The following HS2ST1 variants were observed in gnomAD, a reference collection of about 807,000 sequenced individuals.
HS2ST1 encodes the protein heparan sulfate 2-O-sulfotransferase 1.
HS2ST1 carries 18 observed loss-of-function variants against 42.9 expected under a neutral mutation model. The observed-to-expected ratio is 0.42, with a 90% confidence interval of 0.29 to 0.62. The LOEUF is 0.62. Ranked by LOEUF, HS2ST1 falls within the 20% of genes least tolerant of loss-of-function variation. The probability of loss-of-function intolerance (pLI) is 0.21; values close to 1 mark genes in which losing one functional copy is unlikely to be tolerated. For missense variants in HS2ST1, 334 were observed against 433.8 expected (o/e 0.77, Z 2.04); for synonymous variants, 146 against 152.9 (o/e 0.95, Z 0.33).
intron 1 of HS2ST1, among the ~76,000 whole-genome samples, chr1:86,935,430 G>C (rs1407109708): frequency 6.8e-6 from 1 of 147,876 alleles, no homozygotes; most frequent in East Asian, 2.0e-4. Flanking sequence ...TTATGTTTTG[G>C]AGGTTTTGTA....
intron 1 of HS2ST1, among the ~76,000 whole-genome samples, chr1:86,995,577 C>T (rs905006126): frequency 3.3e-5 from 5 of 151,672 alleles, no homozygotes; most frequent in Non-Finnish European, 7.4e-5. Flanking sequence ...AATTTTTTTT[C>T]TTTTTTCTAT....
intron 1 of HS2ST1, among the ~76,000 whole-genome samples, chr1:86,938,590 T>C (rs556492946): frequency 1.1e-4 from 17 of 152,284 alleles, no homozygotes; most frequent in African/African-American, 3.8e-4. Context: ...TCAGATGTTA[T>C]AACTTCTCTT....
chr1:86,952,859 A>G (rs1261371934), intron 1 of HS2ST1, among the ~76,000 whole-genome samples: 2 of 152,200 alleles, frequency 1.3e-5, no homozygotes, highest in African/African-American at 4.8e-5. Flanking sequence ...AGGAATTTTC[A>G]TATGGTAAAT....
chr1:87,067,515 G>A (rs1651285328), intron 1 of HS2ST1, among the ~76,000 whole-genome samples: 1 of 152,130 alleles, frequency 6.6e-6, no homozygotes, highest in Non-Finnish European at 1.5e-5. Context: ...CCATTCTGTA[G>A]GTTGCCTGTT....
At chr1:87,052,416 G>A (rs1193644340) in intron 1 of HS2ST1, among the ~76,000 whole-genome samples, 6 of 152,110 alleles carry the variant, frequency 3.9e-5, no homozygotes, top group Non-Finnish European at 5.9e-5. Flanking sequence ...CTTTAACATG[G>A]TTCTTGAATT....
chr1:86,953,360 C>T (rs1003210236), intron 1 of HS2ST1, among the ~76,000 whole-genome samples: 1 of 152,220 alleles, frequency 6.6e-6, no homozygotes, highest in East Asian at 1.9e-4. Flanking sequence ...TGGAGTGGCA[C>T]TTTTAATTTC....
At chr1:86,922,792 A>T (rs942381912) in intron 1 of HS2ST1, among the ~76,000 whole-genome samples, 1 of 152,206 alleles carries the variant, frequency 6.6e-6, no homozygotes, top group South Asian at 2.1e-4. Context: ...TTTAATTATT[A>T]AATTATGTTT....
In HS2ST1 at chr1:87,079,879, A is replaced by T. The variant is rs569099977; in HGVS notation, c.364-4315A>T. 2.3e-3 allele frequency among the ~76,000 whole-genome samples: 333 copies of T among 146,722 alleles called. 3 individuals are homozygous for T. Among genetic ancestry groups the T allele is most frequent in the African/African-American group, 6.4e-3 (250 of 39,360 alleles). The stretch of plus-strand genomic sequence containing the variant: ...AACAACTCTACAAAAAAAAAAAAAA[A>T]TTTTTTTTTTCTTTAAATCTTGGCT... On this transcript the variant is annotated intron_variant, in intron 2 of 6. Transcript: ENST00000370550.
At chr1:86,963,749 C>T (rs1272115901) in intron 1 of HS2ST1, among the ~76,000 whole-genome samples, 2 of 143,478 alleles carry the variant, frequency 1.4e-5, no homozygotes, top group Admixed American at 6.8e-5. Context: ...GAGGCGCCCC[C>T]CCCCCCACCT....
At chr1:86,973,600 T>G (rs1648302593) in intron 1 of HS2ST1, among the ~76,000 whole-genome samples, 1 of 152,186 alleles carries the variant, frequency 6.6e-6, no homozygotes, top group Non-Finnish European at 1.5e-5. Context: ...ACATTGTTGA[T>G]TGCCTTGGGC....
intron 1 of HS2ST1, among the ~76,000 whole-genome samples, chr1:86,951,264 A>G (rs1570441336): frequency 6.6e-6 from 1 of 152,344 alleles, no homozygotes; most frequent in East Asian, 1.9e-4. Flanking sequence ...GGTAGACTCA[A>G]TTGGAGACTG....
rs914922399 is a variant in HS2ST1, at chr1:86,914,898, G to T, written c.-139G>T. The stretch of plus-strand genomic sequence containing the variant: ...GGGGACTGGAGAGGCGAGAAGGGGG[G>T]TCGCTGCGGTGGTTCTCTCGCTGTC... On this transcript the variant is annotated 5_prime_UTR_variant, in exon 1 of 7. Coordinates refer to ENST00000370550, the MANE Select transcript of HS2ST1 (RefSeq NM_012262.4). 4.0e-6 allele frequency: 4 copies of T among 1,011,238 alleles called. No homozygotes were observed. In the Admixed American group the frequency reaches 7.1e-5, roughly 18 times the overall value. The allele number at this position is 1,011,238 out of a possible 1,614,324, so 62.6% of individuals were successfully genotyped here.
At chr1:87,018,606 G>A (rs752976677) in intron 1 of HS2ST1, among the ~76,000 whole-genome samples, 21 of 152,242 alleles carry the variant, frequency 1.4e-4, no homozygotes, top group Admixed American at 2.0e-4. Context: ...TTTTCATGAC[G>A]CTCTAAAGGA....
chr1:87,082,325 C>T (rs1404961473), intron 2 of HS2ST1, among the ~76,000 whole-genome samples: 1 of 152,204 alleles, frequency 6.6e-6, no homozygotes, highest in Non-Finnish European at 1.5e-5. Flanking sequence ...TGAATTTGTA[C>T]CTGACTCTTA....
Position 87,034,963 on chromosome 1 carries a change from G to A in HS2ST1, c.125-37971G>A, listed in dbSNP as rs114460564. Among the ~76,000 whole-genome samples the A allele has an allele frequency of 5.5e-3, 835 of 152,278 alleles. 7 individuals carry two copies. Among genetic ancestry groups the A allele is most frequent in the African/African-American group, 0.019 (775 of 41,552 alleles). ...TAATTTCAAGTATCCTTATAAGAGGGAGGCAAGAGAATCAGAGTCCTAAAG... is the reference window on the plus strand; with the variant it reads ...TAATTTCAAGTATCCTTATAAGAGGAAGGCAAGAGAATCAGAGTCCTAAAG... On this transcript the variant is annotated intron_variant, in intron 1 of 6. Transcript: ENST00000370550.
At chr1:86,999,520 T>A (rs1649215765) in intron 1 of HS2ST1, among the ~76,000 whole-genome samples, 1 of 152,188 alleles carries the variant, frequency 6.6e-6, no homozygotes, top group African/African-American at 2.4e-5. Flanking sequence ...ATTTGTTATA[T>A]CCCTTTCTTT....
At chr1:86,923,957 A>G (rs896840729) in intron 1 of HS2ST1, among the ~76,000 whole-genome samples, 1 of 152,176 alleles carries the variant, frequency 6.6e-6, no homozygotes, top group Non-Finnish European at 1.5e-5. Context: ...TCATTTCAAC[A>G]TTAACTCAAA....
chr1:86,960,167 G>A (rs1009634014), intron 1 of HS2ST1, among the ~76,000 whole-genome samples: 10 of 150,046 alleles, frequency 6.7e-5, no homozygotes, highest in African/African-American at 7.4e-5. Context: ...AAGGAAAAAC[G>A]GTAATTTTTT....
intron 1 of HS2ST1, among the ~76,000 whole-genome samples, chr1:87,004,682 T>C (rs950405372): frequency 2.6e-5 from 4 of 152,180 alleles, no homozygotes; most frequent in African/African-American, 9.7e-5. Flanking sequence ...GATACGAGAA[T>C]ATAAAAGACA....
Sources: allele counts gnomAD v4.1 joint callset (sites outside exome capture counted in the v4.1 genomes callset), GRCh38; gene constraint gnomAD v4.1.1; transcripts MANE v1.5; gene names NCBI Gene and HGNC (gene_info 2026-07-23, HGNC 2026-07-21).